The following TRDN variants were observed in gnomAD, a reference collection of about 807,000 sequenced individuals.
TRDN encodes triadin.
Under a neutral mutation model 149.7 loss-of-function variants are expected in TRDN, and 161 were observed. The observed-to-expected ratio is 1.08, with a 90% CI of 0.95 to 1.23. The LOEUF is 1.23. TRDN is among the 50% of genes most tolerant of loss of function. The probability of loss-of-function intolerance (pLI) is 0.00; values close to 1 mark genes in which losing one functional copy is unlikely to be tolerated. For synonymous variants in TRDN, 294 were observed against 250.5 expected (o/e 1.17, Z -1.64); for missense variants, 896 against 823.5 (o/e 1.09, Z -1.08).
intron 11 of TRDN, 27 bp from the exon 12 acceptor site, chr6:123,438,149 G>A: frequency 6.6e-7 from 1 of 1,520,458 alleles, no homozygotes; most frequent in Non-Finnish European, 8.9e-7. Context: ...AAAGTTATAA[G>A]CCTTTACCTG....
Position 123,549,807 on chromosome 6 carries a change from A to G in TRDN, c.233-1195T>C, listed in dbSNP as rs186337274. ...TGTGGTGAGATGCAATCAGATTCTGAATGTATTTCAATGACAGAATTAATA... is the reference window on the plus strand; with the variant it reads ...TGTGGTGAGATGCAATCAGATTCTGGATGTATTTCAATGACAGAATTAATA... On this transcript the variant is annotated intron_variant, in intron 2 of 40. Transcript: ENST00000334268. 3.9e-5 allele frequency among the ~76,000 whole-genome samples: 6 copies of G among 152,160 alleles called. No individual in the cohort carries two copies. In the East Asian group the frequency reaches 9.6e-4, roughly 24 times the overall value.
At chr6:123,511,989 A>T (rs374248388) in intron 7 of TRDN, among the ~76,000 whole-genome samples, 33 of 141,298 alleles carry the variant, frequency 2.3e-4, no homozygotes, top group African/African-American at 7.8e-4. Context: ...TGCCTCTGCA[A>T]TTTTTTTTTT....
chr6:123,301,215 G>A lies in TRDN; in HGVS notation c.1510+15242C>T, dbSNP rs191949538. ...CTCTGTTTATATTGAGAATAGAATT[G>A]TAGTGGTATTTTTCAAGTTCTATGT... On this transcript the variant is annotated intron_variant, in intron 24 of 40. Transcript: ENST00000334268. 5.3e-5 allele frequency among the ~76,000 whole-genome samples: 8 copies of A among 152,108 alleles called. No homozygotes were observed. In the East Asian group the frequency reaches 1.4e-3, roughly 26 times the overall value.
chr6:123,511,257 G>T (rs575408218), intron 7 of TRDN, among the ~76,000 whole-genome samples: 32 of 151,984 alleles, frequency 2.1e-4, no homozygotes, highest in Non-Finnish European at 3.7e-4. Flanking sequence ...TATGTTATTG[G>T]TGCTCAGTAG....
intron 18 of TRDN, among the ~76,000 whole-genome samples, chr6:123,377,200 T>C (rs1781541323): frequency 6.6e-6 from 1 of 152,116 alleles, no homozygotes; most frequent in Admixed American, 6.5e-5. Flanking sequence ...TCACTGCAAC[T>C]CCCCTGAGCA....
chr6:123,308,034 C>G (rs1269451790), intron 24 of TRDN, among the ~76,000 whole-genome samples: 1 of 151,818 alleles, frequency 6.6e-6, no homozygotes, highest in Non-Finnish European at 1.5e-5. Flanking sequence ...TCTAGTAGTC[C>G]TAAGTGTCTA....
At chr6:123,573,053 C>A (rs1782660223) in intron 1 of TRDN, among the ~76,000 whole-genome samples, 1 of 152,056 alleles carries the variant, frequency 6.6e-6, no homozygotes, top group African/African-American at 2.4e-5. Context: ...TCTTGCTCTA[C>A]CATCACAACT....
At chr6:123,454,047 G>A (rs11154169) in intron 10 of TRDN, among the ~76,000 whole-genome samples, 42,573 of 151,578 alleles carry the variant, frequency 0.28, 6,247 homozygotes, top group South Asian at 0.38. Flanking sequence ...ACCAAACATC[G>A]GGTGTTCTCA....
intron 9 of TRDN, among the ~76,000 whole-genome samples, chr6:123,486,342 C>G (rs2114783474): frequency 6.6e-6 from 1 of 151,376 alleles, no homozygotes; most frequent in East Asian, 1.9e-4. Flanking sequence ...AGAATATCTC[C>G]TCTGTGTAAA....
At chr6:123,613,106 G>C (rs550851825) in intron 1 of TRDN, among the ~76,000 whole-genome samples, 9 of 152,228 alleles carry the variant, frequency 5.9e-5, no homozygotes, top group African/African-American at 1.9e-4. Context: ...AAGTACAAAG[G>C]ACGACTGCAT....
chr6:123,376,078 TG>T (rs1781489554), intron 18 of TRDN, among the ~76,000 whole-genome samples: 1 of 152,174 alleles, frequency 6.6e-6, no homozygotes, highest in Non-Finnish European at 1.5e-5. Flanking sequence ...AATCACACAC[TG>T]AAAAAAATAG....
rs75883473 is a variant in TRDN, at chr6:123,262,085, C to G, written c.1805-1447G>C. Among the ~76,000 whole-genome samples, 649 of 152,022 alleles carry G rather than the reference C, an allele frequency of 4.3e-3. 4 individuals are homozygous for G. The highest frequency in any genetic ancestry group is 0.015 in the African/African-American group (605 of 41,512). ...GAGTATTCTAACAGGATTAAATAAA[C>G]AGCTTCACTGTTTATTGTTGCATAT... On this transcript the variant is annotated intron_variant, in intron 33 of 40. Transcript: ENST00000334268.
intron 5 of TRDN, among the ~76,000 whole-genome samples, chr6:123,519,278 C>T (rs1421988439): frequency 6.6e-6 from 1 of 152,114 alleles, no homozygotes; most frequent in Non-Finnish European, 1.5e-5. Flanking sequence ...CCTGCCCTTG[C>T]CCAGACTCTG....
intron 1 of TRDN, among the ~76,000 whole-genome samples, chr6:123,610,186 C>T (rs996142009): frequency 6.6e-6 from 1 of 152,062 alleles, no homozygotes; most frequent in African/African-American, 2.4e-5. Context: ...CTAATGATGC[C>T]TCAGTAAATG....
intron 12 of TRDN, among the ~76,000 whole-genome samples, chr6:123,408,816 C>G (rs1315945161): frequency 2.6e-5 from 4 of 152,016 alleles, no homozygotes; most frequent in African/African-American, 9.7e-5. Context: ...TAATCTCTGA[C>G]AAGAAAAATC....
intron 4 of TRDN, among the ~76,000 whole-genome samples, chr6:123,541,425 A>G (rs958578598): frequency 2.0e-5 from 3 of 152,268 alleles, no homozygotes; most frequent in Middle Eastern, 3.4e-3. Context: ...CTTCTTAGCA[A>G]CTACCTGGAG....
intron 1 of TRDN, among the ~76,000 whole-genome samples, chr6:123,600,890 T>C (rs904492989): frequency 6.6e-6 from 1 of 152,144 alleles, no homozygotes; most frequent in Non-Finnish European, 1.5e-5. Flanking sequence ...AATAGTATTA[T>C]ATGCACTTTT....
chr6:123,570,864 C>A (rs574167306), intron 2 of TRDN, 59 bp downstream of exon 2: 155 of 1,504,224 alleles, frequency 1.0e-4, no homozygotes, highest in Non-Finnish European at 1.4e-4. Context: ...CTGGAGGGGA[C>A]ACTGTTTCTT....
At chr6:123,400,189 A>ATATATATATATAT (rs10529008) in intron 12 of TRDN, among the ~76,000 whole-genome samples, 1 of 146,340 alleles carries the variant, frequency 6.8e-6, no homozygotes, top group South Asian at 2.1e-4. Context: ...ATATATATAT[A>ATATATATATATAT]AACACACACA....
Sources: gnomAD v4.1 joint callset for allele counts (sites outside exome capture counted in the v4.1 genomes callset) on GRCh38, gnomAD v4.1.1 for gene constraint, MANE v1.5 for transcripts, NCBI Gene and HGNC (gene_info 2026-07-23, HGNC 2026-07-21) for gene names.